MACROD2: variants seen among roughly 807,000 people sequenced by gnomAD.
The protein encoded by MACROD2 is mono-ADP ribosylhydrolase 2.
A neutral mutation model predicts 70.4 loss-of-function variants in MACROD2; 36 were observed. That is an observed-to-expected ratio of 0.51 (90% confidence interval 0.39 to 0.68). The LOEUF (loss-of-function observed/expected upper bound fraction) is 0.68, where lower values mean the gene tolerates loss of function less well. Among genes scored for constraint, MACROD2 ranks in the 30% least tolerant of loss-of-function variants. MACROD2 has a pLI of 0.00. For missense variants in MACROD2, 496 were observed against 538.4 expected, an observed-to-expected ratio of 0.92 and a Z score of 0.78; for synonymous variants, 172 against 178.8, an observed-to-expected ratio of 0.96 and a Z score of 0.30.
intron 5 of MACROD2, among the ~76,000 whole-genome samples, chr20:14,736,522 C>T (rs1021723055): frequency 2.0e-5 from 3 of 152,092 alleles, no homozygotes; most frequent in Non-Finnish European, 4.4e-5. Flanking sequence ...ATATATCAGT[C>T]AGTAACCAAA....
Position 14,368,473 on chromosome 20 carries a change from G to C in MACROD2, c.272-125006G>C, listed in dbSNP as rs181892318. Among the ~76,000 whole-genome samples the C allele has an allele frequency of 2.0e-5, 3 of 151,810 alleles. No individual in the cohort carries two copies. The East Asian group carries it at 5.8e-4, about 29-fold the overall frequency. The stretch of plus-strand genomic sequence containing the variant: ...CAGGAGAATGGCATGAACCCGGAAG[G>C]CAGAGCTTGCAATGAGCCGAGATCG... On this transcript the variant is annotated intron_variant, in intron 3 of 17. Coordinates refer to ENST00000684519, the MANE Select transcript of MACROD2 (RefSeq NM_001351661.2).
intron 5 of MACROD2, among the ~76,000 whole-genome samples, chr20:15,060,135 C>A (rs2075520392): frequency 6.6e-6 from 1 of 152,200 alleles, no homozygotes; most frequent in Middle Eastern, 3.2e-3. Flanking sequence ...GCTAGCCTTG[C>A]TGTCCCTAAT....
At chr20:14,168,716 A>G (rs2081192879) in intron 3 of MACROD2, among the ~76,000 whole-genome samples, 1 of 152,098 alleles carries the variant, frequency 6.6e-6, no homozygotes, top group African/African-American at 2.4e-5. Context: ...TGCTTCACCT[A>G]CTTATCTTTC....
At chr20:15,231,468 A>G (rs536388525) in intron 6 of MACROD2, among the ~76,000 whole-genome samples, 38 of 152,186 alleles carry the variant, frequency 2.5e-4, no homozygotes, top group African/African-American at 9.1e-4. Flanking sequence ...GTGCTTGGAA[A>G]ATGGATATGT....
chr20:15,688,820 G>A (rs1021729753), intron 8 of MACROD2, among the ~76,000 whole-genome samples: 1 of 152,214 alleles, frequency 6.6e-6, no homozygotes. Context: ...GATAGAGGGG[G>A]TGTTTATGGT....
chr20:15,629,272 C>G (rs1470515423), intron 8 of MACROD2, among the ~76,000 whole-genome samples: 2 of 152,120 alleles, frequency 1.3e-5, no homozygotes, highest in Non-Finnish European at 2.9e-5. Flanking sequence ...AATATCAGAC[C>G]TTGTTAATTT....
intron 4 of MACROD2, among the ~76,000 whole-genome samples, chr20:14,619,121 C>A (rs1983653057): frequency 6.6e-6 from 1 of 151,940 alleles, no homozygotes; most frequent in African/African-American, 2.4e-5. Context: ...ATCATTATTT[C>A]ATTTGCTTGC....
chr20:14,850,919 A>C (rs1411424229), intron 5 of MACROD2, among the ~76,000 whole-genome samples: 4 of 152,192 alleles, frequency 2.6e-5, no homozygotes, highest in Non-Finnish European at 5.9e-5. Context: ...TAGCTGTGGG[A>C]GGAAGAGTTG....
intron 4 of MACROD2, among the ~76,000 whole-genome samples, chr20:14,512,116 A>T (rs1181153155): frequency 6.6e-6 from 1 of 152,166 alleles, no homozygotes; most frequent in Non-Finnish European, 1.5e-5. Flanking sequence ...AGATGCAAAG[A>T]TATCCATGAA....
intron 2 of MACROD2, among the ~76,000 whole-genome samples, chr20:14,016,759 T>C (rs972478089): frequency 2.6e-5 from 4 of 152,198 alleles, no homozygotes; most frequent in African/African-American, 9.6e-5. Flanking sequence ...TTTTGATTAA[T>C]GTAGCTTTGT....
At chr20:16,001,582 T>C (rs1465393537) in intron 15 of MACROD2, among the ~76,000 whole-genome samples, 3 of 152,240 alleles carry the variant, frequency 2.0e-5, no homozygotes, top group African/African-American at 7.2e-5. Flanking sequence ...TGTCATAGTT[T>C]ATTAGCCTTC....
chr20:14,555,274 TAA>T (rs1051677129), intron 4 of MACROD2, among the ~76,000 whole-genome samples: 17 of 152,048 alleles, frequency 1.1e-4, no homozygotes, highest in Admixed American at 8.5e-4. Context: ...AAAGAATATA[TAA>T]GTTTAAATTA....
At chr20:14,804,103 A>G (rs1255513814) in intron 5 of MACROD2, among the ~76,000 whole-genome samples, 1 of 152,044 alleles carries the variant, frequency 6.6e-6, no homozygotes, top group Non-Finnish European at 1.5e-5. Context: ...GTGGTTTTCC[A>G]TTTAATTTAA....
intron 8 of MACROD2, among the ~76,000 whole-genome samples, chr20:15,668,607 G>A (rs372202006): frequency 2.0e-4 from 30 of 152,228 alleles, no homozygotes; most frequent in Middle Eastern, 3.4e-3. Context: ...GTGATGCTGC[G>A]CATTTCATTC....
chr20:14,436,431 T>C (rs913800905), intron 3 of MACROD2, among the ~76,000 whole-genome samples: 3 of 152,226 alleles, frequency 2.0e-5, no homozygotes, highest in Non-Finnish European at 4.4e-5. Flanking sequence ...TACTTAATTA[T>C]GCTGTTTTCT....
chr20:14,356,936 C>T (rs1433346841), intron 3 of MACROD2, among the ~76,000 whole-genome samples: 1 of 152,166 alleles, frequency 6.6e-6, no homozygotes, highest in Non-Finnish European at 1.5e-5. Flanking sequence ...ACTGTCCAGG[C>T]TTCCCTATGG....
At chr20:14,696,878 C>T (rs1600552862) in intron 5 of MACROD2, among the ~76,000 whole-genome samples, 1 of 152,256 alleles carries the variant, frequency 6.6e-6, no homozygotes, top group Middle Eastern at 3.4e-3. Flanking sequence ...TCCTTCCGTA[C>T]TGGGCTGGTT....
At position 15,596,048 on chromosome 20, in the gene MACROD2, GTCATA is replaced by G. The variant is rs2048742517; in HGVS notation, c.645+96202_645+96206del. Among the ~76,000 whole-genome samples the G allele has an allele frequency of 2.6e-5, 4 of 152,162 alleles. No homozygotes were observed. In the South Asian group the frequency reaches 8.3e-4, roughly 31 times the overall value. On this transcript the variant is annotated intron_variant, in intron 8 of 17. Transcript: ENST00000684519. Reference sequence around the variant, plus strand: ...TTCATGAAAAAAGTGAAACTCAGATGTCATACATAGGAAGCTGAAGAACCATGATA... The same window carrying G: ...TTCATGAAAAAAGTGAAACTCAGATGCATAGGAAGCTGAAGAACCATGATA...
At chr20:14,513,122 T>C (rs2085049168) in intron 4 of MACROD2, among the ~76,000 whole-genome samples, 2 of 152,182 alleles carry the variant, frequency 1.3e-5, no homozygotes, top group African/African-American at 2.4e-5. Context: ...GAGGTTGTGA[T>C]AAATGCTTGT....
Sources: allele counts gnomAD v4.1 joint callset (sites outside exome capture counted in the v4.1 genomes callset), GRCh38; gene constraint gnomAD v4.1.1; transcripts MANE v1.5; gene names NCBI Gene and HGNC (gene_info 2026-07-23, HGNC 2026-07-21).